The following INPP5D variants were observed in gnomAD, a reference collection of about 807,000 sequenced individuals.
The protein encoded by INPP5D is inositol polyphosphate-5-phosphatase D.
INPP5D carries 33 observed loss-of-function variants against 122.9 expected under a neutral mutation model. The ratio of observed to expected loss-of-function variants is 0.27; its 90% confidence interval spans 0.20 to 0.36. The LOEUF (loss-of-function observed/expected upper bound fraction) is 0.36. Ranked by LOEUF, INPP5D falls within the 10% of genes least tolerant of loss-of-function variation. The probability of loss-of-function intolerance (pLI) is 1.00; values close to 1 mark genes in which losing one functional copy is unlikely to be tolerated. For synonymous variants in INPP5D, 584 were observed against 576.2 expected, an observed-to-expected ratio of 1.01 and a Z score of -0.19; for missense variants, 1,053 against 1,412.7, an observed-to-expected ratio of 0.75 and a Z score of 4.08.
chr2:233,161,389 G>A (rs542855215), intron 10 of INPP5D, among the ~76,000 whole-genome samples: 35 of 152,210 alleles, frequency 2.3e-4, no homozygotes, highest in African/African-American at 7.9e-4. Flanking sequence ...ACCACACCTG[G>A]CCCTCTGATA....
chr2:233,124,581 A>C (rs1693097011), intron 3 of INPP5D, among the ~76,000 whole-genome samples: 1 of 152,078 alleles, frequency 6.6e-6, no homozygotes, highest in African/African-American at 2.4e-5. Flanking sequence ...GCCCAAGGTC[A>C]CTCACCAGCA....
rs562339711 is a variant in INPP5D at position 233,082,275 on chromosome 2, C to G, written c.198+2877C>G. ...ATGACAGCAGACGTCCACTGAGGAC[C>G]AAGTGCACACTCATGCCCAATTAAG... On this transcript the variant is annotated intron_variant, in intron 2 of 26. Transcript: ENST00000445964. This position sits in a 1 kb window ranked among gnomAD's most constrained non-coding sequence, Gnocchi z 4.7. Among the ~76,000 whole-genome samples the G allele has an allele frequency of 6.6e-6, 1 of 152,190 alleles. No individual in the cohort carries two copies. The highest frequency in any genetic ancestry group is 6.5e-5 in the Admixed American group (1 of 15,282).
chr2:233,122,238 C>T lies in INPP5D; in HGVS notation c.330C>T (p.Asp110=), dbSNP rs780515179. Residue 110 remains aspartate (D), a synonymous_variant, in exon 3 of 27, where the codon GAC becomes GAT. Transcript: ENST00000445964. ...PVPLEEEDTG[D]DPEEDTVESV... ...CGCTGGAGGAAGAGGACACAGGCGA[C>T]GACCCTGAGGAGGACACAGGTAGGG... 7.4e-6 allele frequency: 12 copies of T among 1,613,560 alleles called. No homozygotes were observed. Among genetic ancestry groups the T allele is most frequent in the East Asian group, 2.2e-5 (1 of 44,900 alleles).
chr2:233,080,407 G>T (rs1297940831), intron 2 of INPP5D, among the ~76,000 whole-genome samples: 1 of 150,620 alleles, frequency 6.6e-6, no homozygotes, highest in Non-Finnish European at 1.5e-5. Context: ...CAAGAAGGAA[G>T]GAGACAAAGT....
chr2:233,151,927 G>A (rs1199485892), intron 9 of INPP5D, among the ~76,000 whole-genome samples: 1 of 152,260 alleles, frequency 6.6e-6, no homozygotes, highest in Non-Finnish European at 1.5e-5. Flanking sequence ...ATCTATGCAT[G>A]AGTGAGCAAA....
At chr2:233,101,996 T>C (rs541247580) in intron 2 of INPP5D, among the ~76,000 whole-genome samples, 1 of 152,022 alleles carries the variant, frequency 6.6e-6, no homozygotes, top group East Asian at 1.9e-4. Flanking sequence ...TGCTGCATGA[T>C]GACCGTGGCT....
rs1692456989 is a variant in INPP5D at position 233,105,956 on chromosome 2, T to A, written c.199-16151T>A. ...AGCAGTCGCTATGGGAATGAGCATGTGGAACTTGACGATTTGTCCCTATTG... is the reference window on the plus strand; with the variant it reads ...AGCAGTCGCTATGGGAATGAGCATGAGGAACTTGACGATTTGTCCCTATTG... On this transcript the variant is annotated intron_variant, in intron 2 of 26. Coordinates refer to ENST00000445964, the MANE Select transcript of INPP5D (RefSeq NM_001017915.3). The surrounding 1 kb of genome is among the most constrained non-coding windows in gnomAD (Gnocchi z 4.0). 6.6e-6 allele frequency among the ~76,000 whole-genome samples: 1 copy of A among 152,174 alleles called. No individual in the cohort carries two copies. Among genetic ancestry groups the A allele is most frequent in the South Asian group, 2.1e-4 (1 of 4,832 alleles).
intron 9 of INPP5D, among the ~76,000 whole-genome samples, chr2:233,150,630 G>A (rs545589558): frequency 2.6e-5 from 4 of 152,314 alleles, no homozygotes; most frequent in South Asian, 4.1e-4. Context: ...GTTCTCAGAA[G>A]TGCTGTGAAC....
intron 22 of INPP5D, among the ~76,000 whole-genome samples, chr2:233,190,595 G>A (rs1036921264): frequency 5.3e-5 from 8 of 152,204 alleles, no homozygotes; most frequent in Admixed American, 3.9e-4. Context: ...CTTCTGCTCA[G>A]CATCGCCTGG....
At position 233,170,472 on chromosome 2, in the gene INPP5D, G is replaced by C. The variant is rs762291853; in HGVS notation, c.1792-24G>C. The C allele has an allele frequency of 3.7e-6, 6 of 1,613,468 alleles. No homozygotes were observed. The African/African-American group carries it at 8.0e-5, about 22-fold the overall frequency. On this transcript the variant is annotated intron_variant, in intron 15 of 26. Transcript: ENST00000445964. This position sits in a 1 kb window ranked among gnomAD's most constrained non-coding sequence, Gnocchi z 4.5. ...TGGATCAGCAGGGCTTCTCACCAGAGGCCCGGGCATGTTCTTGTTCCAGGA... is the reference window on the plus strand; with the variant it reads ...TGGATCAGCAGGGCTTCTCACCAGACGCCCGGGCATGTTCTTGTTCCAGGA...
At chr2:233,070,566 C>A (rs1177783812) in intron 1 of INPP5D, among the ~76,000 whole-genome samples, 1 of 151,922 alleles carries the variant, frequency 6.6e-6, no homozygotes, top group African/African-American at 2.4e-5. Context: ...CTCAGTCTCC[C>A]GAGTAGCTGG....
rs551562137 is a variant in INPP5D at position 233,150,886 on chromosome 2, T to C, written c.1030+3292T>C. ...GGGATTTGAAGGATGAATAGGATTT[T>C]GCCAAGCATGAGGCAGGGGAGGGCA... On this transcript the variant is annotated intron_variant, in intron 9 of 26. Transcript: ENST00000445964. Among the ~76,000 whole-genome samples, 21 of 152,220 alleles carry C rather than the reference T, an allele frequency of 1.4e-4. No individual in the cohort carries two copies. In the South Asian group the frequency reaches 4.4e-3, roughly 32 times the overall value.
At chr2:233,060,826 CT>C (rs1172914630) in intron 1 of INPP5D, among the ~76,000 whole-genome samples, 1 of 152,214 alleles carries the variant, frequency 6.6e-6, no homozygotes, top group Non-Finnish European at 1.5e-5. Context: ...ACTCTGAGGC[CT>C]GATGTTACAC....
chr2:233,149,297 C>T (rs956845426), intron 9 of INPP5D, among the ~76,000 whole-genome samples: 1 of 152,098 alleles, frequency 6.6e-6, no homozygotes, highest in African/African-American at 2.4e-5. Context: ...GACAGGGTTT[C>T]ACCATGTTGG....
intron 2 of INPP5D, among the ~76,000 whole-genome samples, chr2:233,080,835 G>A (rs756763770): frequency 2.6e-5 from 4 of 152,190 alleles, no homozygotes; most frequent in South Asian, 4.1e-4. Flanking sequence ...GACAGCTTAT[G>A]AGGATGGAAG....
chr2:233,189,805 T>C lies in INPP5D; in HGVS notation c.2359-45T>C. 1 of 1,602,260 alleles carries C rather than the reference T, an allele frequency of 6.2e-7. No individual in the cohort carries two copies. The highest frequency in any genetic ancestry group is 8.5e-7 in the Non-Finnish European group (1 of 1,174,790). ...TTGTCCACCCACCTGTCCCCTCACC[T>C]GTCCCTTGCCCATCAACTCCAGTCC... On this transcript the variant is annotated intron_variant, in intron 21 of 26. Transcript: ENST00000445964. The surrounding 1 kb of genome is among the most constrained non-coding windows in gnomAD (Gnocchi z 5.6).
intron 5 of INPP5D, among the ~76,000 whole-genome samples, chr2:233,134,553 G>A (rs11682798): frequency 0.47 from 71,372 of 151,678 alleles, 17,214 homozygotes; most frequent in African/African-American, 0.55. Flanking sequence ...CGATGTCCCC[G>A]TGCGGGTCTG....
chr2:233,122,799 C>A (rs377425835), intron 3 of INPP5D, among the ~76,000 whole-genome samples: 6 of 151,838 alleles, frequency 4.0e-5, no homozygotes, highest in African/African-American at 1.5e-4. Context: ...AGAAAGAGAC[C>A]TTGTCTAAGA....
intron 5 of INPP5D, among the ~76,000 whole-genome samples, chr2:233,135,709 G>T (rs1420313269): frequency 1.3e-5 from 2 of 151,482 alleles, no homozygotes; most frequent in East Asian, 1.9e-4. Context: ...CAAGAAAAAG[G>T]CTACTGACCT....
Sources: allele counts gnomAD v4.1 joint callset (sites outside exome capture counted in the v4.1 genomes callset), GRCh38; gene constraint gnomAD v4.1.1; non-coding constraint Gnocchi (gnomAD v3.1); transcripts MANE v1.5; gene names NCBI Gene and HGNC (gene_info 2026-07-23, HGNC 2026-07-21).